Variants in MAP3K20 observed in about 807,000 individuals in gnomAD.
MAP3K20 encodes the protein mitogen-activated protein kinase kinase kinase 20.
MAP3K20 carries 40 observed loss-of-function variants against 85.7 expected under a neutral mutation model. The observed-to-expected ratio is 0.47, with a 90% CI of 0.36 to 0.61. MAP3K20 has a LOEUF of 0.61. MAP3K20 is among the 20% of genes least tolerant of loss of function. The pLI is 0.00. For synonymous variants in MAP3K20, 325 were observed against 327.7 expected (o/e 0.99, Z 0.09); for missense variants, 817 against 961.7 (o/e 0.85, Z 1.99).
intron 2 of MAP3K20, among the ~76,000 whole-genome samples, chr2:173,163,925 T>C (rs1689737433): frequency 6.6e-6 from 1 of 152,172 alleles, no homozygotes. Flanking sequence ...AGCATTCCCT[T>C]TTCTGTACAA....
intron 17 of MAP3K20, among the ~76,000 whole-genome samples, chr2:173,259,663 A>C (rs62174397): frequency 0.081 from 12,394 of 152,320 alleles, 534 homozygotes; most frequent in Middle Eastern, 0.16. Context: ...TAGAGTGCAC[A>C]TCAGAGTGCT....
Position 173,144,331 on chromosome 2 carries a change from T to C in MAP3K20, c.160-25474T>C, listed in dbSNP as rs371451706. Among the ~76,000 whole-genome samples, 95 of 150,000 alleles carry C rather than the reference T, an allele frequency of 6.3e-4. No homozygotes were observed. In the East Asian group the frequency reaches 0.013, roughly 20 times the overall value. ...ACAAAAAATTAGCCGGGCGTGGTGG[T>C]GGGCACCTGTAGTCCCAGCTACTTG... is the stretch of plus-strand genomic sequence containing the variant. On this transcript the variant is annotated intron_variant, in intron 2 of 19. Transcript: ENST00000375213.
intron 16 of MAP3K20, among the ~76,000 whole-genome samples, chr2:173,255,362 A>G (rs1367166096): frequency 1.3e-5 from 2 of 152,202 alleles, no homozygotes; most frequent in Non-Finnish European, 2.9e-5. Flanking sequence ...CCCCATTAGT[A>G]TCTCCTCCAG....
chr2:173,079,966 C>T (rs1686969898), intron 1 of MAP3K20, among the ~76,000 whole-genome samples: 2 of 151,334 alleles, frequency 1.3e-5, no homozygotes, highest in South Asian at 4.2e-4. Flanking sequence ...AAATGAGTAA[C>T]ACAGTCATTA....
At chr2:173,075,737 G>A (rs1240664923), upstream of MAP3K20, 1 of 985,286 alleles carries the variant, frequency 1.0e-6, no homozygotes, top group African/African-American at 1.7e-5. Flanking sequence ...CGCAGGCCAG[G>A]GAGGCCCGAG....
At position 173,187,627 on chromosome 2, in the gene MAP3K20, A is replaced by AT. The variant is rs747600196; in HGVS notation, c.415+5dup. 1.7e-4 allele frequency: 279 copies of AT among 1,601,590 alleles called. No individual in the cohort carries two copies. The highest frequency in any genetic ancestry group is 1.4e-4 in the Non-Finnish European group (167 of 1,175,656). On this transcript the variant is annotated splice_donor_region_variant and intron_variant, in intron 5 of 19. Coordinates refer to ENST00000375213, the MANE Select transcript of MAP3K20 (RefSeq NM_016653.3). Reference sequence around the variant, plus strand: ...AGAGACCTCAAGTCAAGAAACGGTAATGTAGTTATGTTTTTATTTTACCTA... The same window carrying AT: ...AGAGACCTCAAGTCAAGAAACGGTAATTGTAGTTATGTTTTTATTTTACCTA...
chr2:173,080,360 C>T (rs1686980167), intron 1 of MAP3K20, among the ~76,000 whole-genome samples: 1 of 152,182 alleles, frequency 6.6e-6, no homozygotes, highest in African/African-American at 2.4e-5. Flanking sequence ...CTGTTTTCTG[C>T]TGCTAGAGCA....
intron 1 of MAP3K20, among the ~76,000 whole-genome samples, chr2:173,077,379 C>CAAAAAA (rs35541382): frequency 1.4e-4 from 13 of 96,214 alleles, no homozygotes; most frequent in Non-Finnish European, 2.2e-4. Flanking sequence ...TTCAATTTTC[C>CAAAAAA]AAAAAAAAAA....
chr2:173,139,134 T>A (rs1360124917), intron 2 of MAP3K20, among the ~76,000 whole-genome samples: 1 of 152,224 alleles, frequency 6.6e-6, no homozygotes, highest in East Asian at 1.9e-4. Context: ...TCCTTGCAAA[T>A]GATGAAGCAA....
In MAP3K20 at chr2:173,219,411, G is replaced by A. The variant is rs564595190; in HGVS notation, c.987+2161G>A. On this transcript the variant is annotated intron_variant, in intron 11 of 19. Transcript: ENST00000375213. ...TGTTTATTTTCTAATTATAGTTGAA[G>A]CTTGATGTAAACTTTTTATTTATTT... Among the ~76,000 whole-genome samples the A allele has an allele frequency of 1.2e-3, 181 of 152,194 alleles. No homozygotes were observed. The Middle Eastern group carries it at 0.017, about 14-fold the overall frequency.
chr2:173,088,753 A>G (rs563906173), intron 1 of MAP3K20, among the ~76,000 whole-genome samples: 4 of 152,338 alleles, frequency 2.6e-5, no homozygotes, highest in Admixed American at 6.5e-5. Flanking sequence ...TGCATACTCT[A>G]TATACCTACC....
intron 2 of MAP3K20, among the ~76,000 whole-genome samples, chr2:173,128,226 G>A (rs914785187): frequency 2.0e-5 from 3 of 152,018 alleles, no homozygotes; most frequent in East Asian, 1.9e-4. Flanking sequence ...TTTTCTAATT[G>A]CAGTTTCCAA....
intron 3 of MAP3K20, among the ~76,000 whole-genome samples, chr2:173,172,669 T>C (rs13030866): frequency 0.5 from 75,306 of 152,006 alleles, 21,626 homozygotes; most frequent in South Asian, 0.69. Flanking sequence ...GACTAAGAGG[T>C]AGCTGCCAAT....
rs56084110 is a variant in MAP3K20, at chr2:173,120,701, C to CTTTTTT, written c.159+29530_159+29535dup. On this transcript the variant is annotated intron_variant, in intron 2 of 19. Coordinates refer to ENST00000375213, the MANE Select transcript of MAP3K20 (RefSeq NM_016653.3). ...ACAGTGATAGGAGTCACTCTCACTT[C>CTTTTTT]TTTTTTTTTTTTTTTTTTTTTTTTG... is the stretch of plus-strand genomic sequence containing the variant. Among the ~76,000 whole-genome samples, 72 of 49,234 alleles carry CTTTTTT rather than the reference C, an allele frequency of 1.5e-3. 1 individual carries two copies. Among genetic ancestry groups the CTTTTTT allele is most frequent in the Middle Eastern group, 0.028 (1 of 36 alleles). 32.3% of individuals were successfully genotyped at this position (49,234 alleles called of 152,430 possible).
At chr2:173,195,479 TATAAA>T (rs552807500) in intron 7 of MAP3K20, among the ~76,000 whole-genome samples, 144 of 152,360 alleles carry the variant, frequency 9.5e-4, no homozygotes, top group Non-Finnish European at 1.7e-3. Flanking sequence ...GACGTCTCAA[TATAAA>T]ATGAGTCGGA....
chr2:173,131,481 T>A lies in MAP3K20; in HGVS notation c.160-38324T>A, dbSNP rs1688616367. 2.0e-5 allele frequency among the ~76,000 whole-genome samples: 3 copies of A among 152,198 alleles called. 1 individual carries two copies. In the South Asian group the frequency reaches 6.2e-4, roughly 31 times the overall value. On this transcript the variant is annotated intron_variant, in intron 2 of 19. Transcript: ENST00000375213. ...GAGATAGGAACCATGAAACCAGTCA[T>A]ATATACAAGTAGTTGTTTTTGAAAT...
At chr2:173,139,717 C>T (rs919384426) in intron 2 of MAP3K20, among the ~76,000 whole-genome samples, 1 of 152,010 alleles carries the variant, frequency 6.6e-6, no homozygotes, top group Non-Finnish European at 1.5e-5. Flanking sequence ...CCAGTGCTTA[C>T]TTAAGTAAAG....
intron 2 of MAP3K20, among the ~76,000 whole-genome samples, chr2:173,139,789 CTCAGTA>C (rs772069743): frequency 1.8e-4 from 27 of 152,082 alleles, no homozygotes; most frequent in Non-Finnish European, 2.8e-4. Context: ...ATTTTACACA[CTCAGTA>C]TCATGTTTCT....
chr2:173,215,586 G>A (rs1684048935), intron 10 of MAP3K20: 1 of 152,098 alleles, frequency 6.6e-6, no homozygotes, highest in Non-Finnish European at 1.5e-5. Context: ...AAAGGCACAG[G>A]GTGTTGATAT....
Sources: gnomAD v4.1 joint callset for allele counts (sites outside exome capture counted in the v4.1 genomes callset) on GRCh38, gnomAD v4.1.1 for gene constraint, MANE v1.5 for transcripts, NCBI Gene and HGNC (gene_info 2026-07-23, HGNC 2026-07-21) for gene names.